The following NTRK1 variants were observed in gnomAD, a reference collection of about 807,000 sequenced individuals.
NTRK1 encodes neurotrophic receptor tyrosine kinase 1, also known as high affinity nerve growth factor receptor.
In NTRK1, 62 loss-of-function variants were observed where a neutral mutation model predicts 86.8. That is an observed-to-expected ratio of 0.71 (90% CI 0.58 to 0.88). NTRK1 has a LOEUF of 0.88. Among genes scored for constraint, NTRK1 ranks in the 40% least tolerant of loss-of-function variants. The pLI, the probability that NTRK1 is intolerant of heterozygous loss-of-function variation, is 0.00. For synonymous variants in NTRK1, 469 were observed against 456.6 expected (o/e 1.03, Z -0.35); for missense variants, 967 against 1,078.4 (o/e 0.90, Z 1.45).
intron 2 of NTRK1, chr1:156,845,918 C>T (rs1252062841): frequency 1.2e-6 from 2 of 1,603,716 alleles, no homozygotes; most frequent in South Asian, 1.1e-5. Flanking sequence ...TCCCCACCCG[C>T]CCCGCGGCCG....
Position 156,876,360 on chromosome 1 carries a change from C to T in NTRK1, c.1633-40C>T, listed in dbSNP as rs141373787. 2,453 of 1,612,560 alleles carry T rather than the reference C, an allele frequency of 1.5e-3. 29 individuals are homozygous for T. The African/African-American group carries it at 0.026, about 17-fold the overall frequency. ...CCCTGGGTGAACAGCAGTGAGGGCT[C>T]GGCCCCCAACTCAGTCCTGTCCCTG... On this transcript the variant is annotated intron_variant, in intron 13 of 16. Coordinates refer to ENST00000524377, the MANE Select transcript of NTRK1 (RefSeq NM_002529.4).
At chr1:156,844,658 C>T (rs374636875) in intron 2 of NTRK1, 142 of 1,613,642 alleles carry the variant, frequency 8.8e-5, no homozygotes, top group Middle Eastern at 1.6e-4. Flanking sequence ...GCTGGGAAGG[C>T]GATGTAGGCA....
intron 6 of NTRK1, among the ~76,000 whole-genome samples, chr1:156,869,281 C>T (rs1332081468): frequency 1.1e-4 from 16 of 152,012 alleles, no homozygotes; most frequent in African/African-American, 2.9e-4. Context: ...GGTTTCACTA[C>T]GTTGGCCACG....
intron 2 of NTRK1, chr1:156,843,325 G>A: frequency 1.3e-6 from 2 of 1,563,930 alleles, no homozygotes; most frequent in Non-Finnish European, 1.8e-6. Flanking sequence ...AAGGGCTCTT[G>A]TCCCAAGGCT....
upstream of NTRK1, among the ~76,000 whole-genome samples, chr1:156,857,830 C>T (rs943550998): frequency 6.6e-6 from 1 of 152,214 alleles, no homozygotes; most frequent in African/African-American, 2.4e-5. Context: ...CTAATCCTTC[C>T]CTTTTTGAAG....
At position 156,842,566 on chromosome 1, in the gene NTRK1, A is replaced by G. The variant is rs956135084; in HGVS notation, c.50+373A>G. 3.8e-6 allele frequency: 5 copies of G among 1,322,416 alleles called. No individual in the cohort carries two copies. In the Admixed American group the frequency reaches 8.6e-5, roughly 23 times the overall value. The allele number at this position is 1,322,416 out of a possible 1,614,324, so 81.9% of individuals were successfully genotyped here. A position where few individuals can be genotyped will look rare whatever the true frequency, so the allele number is the denominator to read the frequency against. ...AGTTCCCCTTGACCCATTTGGCCAA[A>G]ATTCTGATCTGCTATGACCACAGTC... On this transcript the variant is annotated intron_variant, in intron 2 of 16. Transcript: ENST00000392302.
Position 156,840,480 on chromosome 1 carries a change from A to G in NTRK1, c.-63-1601A>G, listed in dbSNP as rs76124685. On this transcript the variant is annotated intron_variant, in intron 1 of 16. Transcript: ENST00000392302. Reference sequence around the variant, plus strand: ...GGAGAGCGCCCCAGGCCTGCTTCTGATTGCTCATCTGATTTCAAACATGTC... The same window carrying G: ...GGAGAGCGCCCCAGGCCTGCTTCTGGTTGCTCATCTGATTTCAAACATGTC... 667 of 164,556 alleles carry G rather than the reference A, an allele frequency of 4.1e-3. 5 individuals carry two copies. The highest frequency in any genetic ancestry group is 0.017 in the African/African-American group (607 of 35,932). 10.2% of individuals were successfully genotyped at this position (164,556 alleles called of 1,614,324 possible).
In NTRK1 at chr1:156,843,182, C is replaced by T. The variant is rs370148974; in HGVS notation, c.50+989C>T. ...CCCAAAAGAGCCCTGGCCCAGTTCC[C>T]GGATTATCGAGATCTGCTCCCGAGG... On this transcript the variant is annotated intron_variant, in intron 2 of 16. Coordinates refer to the NTRK1 transcript ENST00000392302. 102 of 1,614,082 alleles carry T rather than the reference C, an allele frequency of 6.3e-5. 1 individual carries two copies. The South Asian group carries it at 9.1e-4, about 14-fold the overall frequency.
In NTRK1 at chr1:156,854,294, C is replaced by T; in HGVS notation, c.51-10060C>T. 6.2e-7 allele frequency: 1 copy of T among 1,609,334 alleles called. No homozygotes were observed. The highest frequency in any genetic ancestry group is 1.1e-5 in the South Asian group (1 of 90,606). On this transcript the variant is annotated intron_variant, in intron 2 of 16. Coordinates refer to the NTRK1 transcript ENST00000392302. This position sits in a 1 kb window ranked among gnomAD's most constrained non-coding sequence, Gnocchi z 4.2. Reference sequence around the variant, plus strand: ...TGCCACCTCTGAGCGAATATCCAGGCTGGGGCACACTGTGGGCATACACGG... The same window carrying T: ...TGCCACCTCTGAGCGAATATCCAGGTTGGGGCACACTGTGGGCATACACGG...
chr1:156,846,929 A>T (rs1002926552), intron 2 of NTRK1, among the ~76,000 whole-genome samples: 1 of 152,124 alleles, frequency 6.6e-6, no homozygotes, highest in African/African-American at 2.4e-5. Flanking sequence ...GAGGGGAGGG[A>T]CTGTGATATC....
intron 1 of NTRK1, among the ~76,000 whole-genome samples, chr1:156,818,291 G>GT (rs1654078475): frequency 6.6e-6 from 1 of 152,130 alleles, no homozygotes; most frequent in African/African-American, 2.4e-5. Flanking sequence ...AAGACTTACT[G>GT]TTTTTTAAAA....
intron 1 of NTRK1, chr1:156,841,184 G>T: frequency 1.7e-6 from 2 of 1,155,748 alleles, no homozygotes; most frequent in Non-Finnish European, 2.5e-6. Context: ...AGGGTCAGTT[G>T]GTGGGAGTGG....
rs876359 is a variant in NTRK1 at position 156,881,673 on chromosome 1, C to A, written c.*31C>A. ...CGGCCCAGGGGCTGGGAGTGGTTAGCCGGAATACTGGGGCCTGCCCTCAGC... is the reference window on the plus strand; with the variant it reads ...CGGCCCAGGGGCTGGGAGTGGTTAGACGGAATACTGGGGCCTGCCCTCAGC... On this transcript the variant is annotated 3_prime_UTR_variant, in exon 17 of 17. Transcript: ENST00000524377. 1 of 1,579,896 alleles carries A rather than the reference C, an allele frequency of 6.3e-7. No individual in the cohort carries two copies. Among genetic ancestry groups the A allele is most frequent in the Non-Finnish European group, 8.6e-7 (1 of 1,163,228 alleles).
intron 1 of NTRK1, among the ~76,000 whole-genome samples, chr1:156,834,481 T>G (rs1320012932): frequency 3.9e-5 from 6 of 151,996 alleles, no homozygotes; most frequent in African/African-American, 1.5e-4. Context: ...GAGAGGAAAA[T>G]GCAGCTGTAT....
intron 14 of NTRK1, among the ~76,000 whole-genome samples, chr1:156,878,707 G>T (rs1051875731): frequency 6.6e-6 from 1 of 152,166 alleles, no homozygotes; most frequent in African/African-American, 2.4e-5. Context: ...AGAGAGACAG[G>T]ACAATCAAGG....
At chr1:156,826,909 G>A (rs1482530702) in intron 1 of NTRK1, among the ~76,000 whole-genome samples, 1 of 152,128 alleles carries the variant, frequency 6.6e-6, no homozygotes, top group African/African-American at 2.4e-5. Context: ...ACAGTTTTAG[G>A]CATTTGTAGA....
intron 1 of NTRK1, among the ~76,000 whole-genome samples, chr1:156,833,163 T>C (rs1481619341): frequency 6.6e-6 from 1 of 152,246 alleles, no homozygotes; most frequent in Non-Finnish European, 1.5e-5. Context: ...TTATTAGTTG[T>C]GGGACTTTGA....
At chr1:156,846,492 T>A (rs1393473694) in intron 2 of NTRK1, 1 of 1,567,370 alleles carries the variant, frequency 6.4e-7, no homozygotes, top group East Asian at 2.2e-5. Flanking sequence ...GGCGTCTGAC[T>A]GACTCTTGCA....
intron 1 of NTRK1, chr1:156,816,712 G>A (rs1448085568): frequency 1.3e-6 from 2 of 1,597,744 alleles, no homozygotes; most frequent in African/African-American, 2.7e-5. Context: ...ACTCCATGAG[G>A]GCAGCCTCAC....
Sources: gnomAD v4.1 joint callset for allele counts (sites outside exome capture counted in the v4.1 genomes callset) on GRCh38, gnomAD v4.1.1 for gene constraint, Gnocchi (gnomAD v3.1) non-coding constraint, MANE v1.5 for transcripts, NCBI Gene and HGNC (gene_info 2026-07-23, HGNC 2026-07-21) for gene names.